The following CACNB2 variants were observed in gnomAD, a reference collection of about 807,000 sequenced individuals.
CACNB2 encodes voltage-dependent L-type calcium channel subunit beta-2.
Under a neutral mutation model 73.3 loss-of-function variants are expected in CACNB2, and 42 were observed. That is an observed-to-expected ratio of 0.57 (90% CI 0.45 to 0.74). The LOEUF (loss-of-function observed/expected upper bound fraction) is 0.74. Among genes scored for constraint, CACNB2 ranks in the 30% least tolerant of loss-of-function variants. The probability of loss-of-function intolerance (pLI) is 0.00; values close to 1 mark genes in which losing one functional copy is unlikely to be tolerated. For synonymous variants in CACNB2, 348 were observed against 310.3 expected, an observed-to-expected ratio of 1.12 and a Z score of -1.28; for missense variants, 940 against 853.0, an observed-to-expected ratio of 1.10 and a Z score of -1.27.
At chr10:18,446,541 G>A (rs186142749) in intron 3 of CACNB2, among the ~76,000 whole-genome samples, 1 of 152,278 alleles carries the variant, frequency 6.6e-6, no homozygotes, top group East Asian at 1.9e-4. Context: ...CAAGAGAGGA[G>A]ATGGGTGATA....
At chr10:18,289,623 T>A (rs1377337372) in intron 2 of CACNB2, among the ~76,000 whole-genome samples, 1 of 152,056 alleles carries the variant, frequency 6.6e-6, no homozygotes, top group East Asian at 1.9e-4. Context: ...GTAAGATTTT[T>A]AAAAATGTAA....
chr10:18,188,069 T>C (rs2034232710), intron 2 of CACNB2, among the ~76,000 whole-genome samples: 2 of 152,218 alleles, frequency 1.3e-5, no homozygotes, highest in Non-Finnish European at 2.9e-5. Context: ...TTTCTGTTAA[T>C]TGACATCAAC....
At chr10:18,360,210 A>G (rs1253341583) in intron 2 of CACNB2, among the ~76,000 whole-genome samples, 2 of 152,204 alleles carry the variant, frequency 1.3e-5, no homozygotes, top group African/African-American at 4.8e-5. Flanking sequence ...GAGGAAACTG[A>G]GGCACAAAGA....
chr10:18,234,114 A>G (rs972688890), intron 2 of CACNB2: 7 of 152,212 alleles, frequency 4.6e-5, no homozygotes, highest in Admixed American at 2.0e-4. Context: ...AGGCTGGTTC[A>G]TGACTGAGAC....
chr10:18,225,239 A>G (rs936289247), intron 2 of CACNB2, among the ~76,000 whole-genome samples: 1 of 151,978 alleles, frequency 6.6e-6, no homozygotes, highest in Admixed American at 6.6e-5. Context: ...TCCCTGGCAG[A>G]GGATGGGGGA....
Position 18,522,648 on chromosome 10 carries a change from G to A in CACNB2, c.944+3680G>A, listed in dbSNP as rs866412980. ...TAATCCCAGCACTTTGGGAGGCCGA[G>A]GCGGGTGGATAATGAGGTCAAGTGT... On this transcript the variant is annotated intron_variant, in intron 9 of 13. Coordinates refer to ENST00000324631, the MANE Select transcript of CACNB2 (RefSeq NM_201596.3). Among the ~76,000 whole-genome samples, 70 of 152,168 alleles carry A rather than the reference G, an allele frequency of 4.6e-4. 1 individual carries two copies. The highest frequency in any genetic ancestry group is 1.7e-3 in the African/African-American group (69 of 41,514).
intron 2 of CACNB2, among the ~76,000 whole-genome samples, chr10:18,295,238 C>G (rs2039228299): frequency 6.6e-6 from 1 of 152,130 alleles, no homozygotes; most frequent in Non-Finnish European, 1.5e-5. Flanking sequence ...GTGCACAATT[C>G]CAAACTTTAT....
At chr10:18,509,852 A>C (rs2133094034) in intron 6 of CACNB2, among the ~76,000 whole-genome samples, 1 of 152,308 alleles carries the variant, frequency 6.6e-6, no homozygotes, top group East Asian at 1.9e-4. Context: ...ACTAATAATA[A>C]TATATGCATG....
At chr10:18,150,071 T>C (rs749661399) in intron 1 of CACNB2, among the ~76,000 whole-genome samples, 17 of 152,350 alleles carry the variant, frequency 1.1e-4, no homozygotes, top group Admixed American at 4.6e-4. Context: ...TGTTCATTTA[T>C]ATTTTAATGT....
intron 2 of CACNB2, among the ~76,000 whole-genome samples, chr10:18,394,095 C>T (rs1564500100): frequency 1.3e-5 from 2 of 152,084 alleles, no homozygotes; most frequent in South Asian, 4.2e-4. Context: ...GCGCCCACCA[C>T]CATGCCTGGC....
chr10:18,361,827 G>T (rs930464349), intron 2 of CACNB2, among the ~76,000 whole-genome samples: 1 of 151,902 alleles, frequency 6.6e-6, no homozygotes, highest in African/African-American at 2.4e-5. Context: ...AGGCCAGGCT[G>T]GTCTTGAACT....
chr10:18,392,454 G>A (rs1353738325), intron 2 of CACNB2, among the ~76,000 whole-genome samples: 2 of 152,124 alleles, frequency 1.3e-5, no homozygotes, highest in Non-Finnish European at 2.9e-5. Context: ...TTTTAGTGGA[G>A]TGGTAGGAGG....
intron 2 of CACNB2, among the ~76,000 whole-genome samples, chr10:18,325,414 T>TGAACTCCTGGTCTC (rs1008811644): frequency 6.6e-6 from 1 of 152,012 alleles, no homozygotes; most frequent in Non-Finnish European, 1.5e-5. Flanking sequence ...AGGCTGGTCT[T>TGAACTCCTGGTCTC]GAACTCCTGG....
chr10:18,539,957 T>A lies in CACNB2; in HGVS notation c.*233T>A. On this transcript the variant is annotated 3_prime_UTR_variant, in exon 14 of 14. Coordinates refer to ENST00000324631, the MANE Select transcript of CACNB2 (RefSeq NM_201596.3). Reference sequence around the variant, plus strand: ...GTATGGCTGCAGTCCTCCGGTTGCATACTGGACTCTTCAAAAACTGTTTTG... The same window carrying A: ...GTATGGCTGCAGTCCTCCGGTTGCAAACTGGACTCTTCAAAAACTGTTTTG... 1 of 469,776 alleles carries A rather than the reference T, an allele frequency of 2.1e-6. No individual in the cohort carries two copies. The highest frequency in any genetic ancestry group is 3.8e-6 in the Non-Finnish European group (1 of 265,678). 29.1% of individuals were successfully genotyped at this position (469,776 alleles called of 1,614,324 possible).
At chr10:18,251,364 C>T (rs1336628005) in intron 2 of CACNB2, among the ~76,000 whole-genome samples, 1 of 152,076 alleles carries the variant, frequency 6.6e-6, no homozygotes, top group Non-Finnish European at 1.5e-5. Flanking sequence ...CCTGCCTCAG[C>T]CTCCTCCTGA....
intron 5 of CACNB2, among the ~76,000 whole-genome samples, chr10:18,502,753 T>TA (rs1374769370): frequency 7.5e-6 from 1 of 132,868 alleles, no homozygotes; most frequent in Non-Finnish European, 1.6e-5. Context: ...AAGTGAGAGC[T>TA]AAACATTGAG....
chr10:18,314,510 A>T (rs1448393742), intron 2 of CACNB2, among the ~76,000 whole-genome samples: 1 of 151,956 alleles, frequency 6.6e-6, no homozygotes, highest in African/African-American at 2.4e-5. Context: ...AGTCTGAAAA[A>T]TTATTTGCCT....
At chr10:18,293,129 A>T (rs1301200957) in intron 2 of CACNB2, among the ~76,000 whole-genome samples, 2 of 152,236 alleles carry the variant, frequency 1.3e-5, no homozygotes, top group African/African-American at 2.4e-5. Context: ...CTTTAAGAGT[A>T]CTTAATTAAA....
intron 2 of CACNB2, among the ~76,000 whole-genome samples, chr10:18,398,691 AT>A (rs2043836156): frequency 6.8e-5 from 5 of 73,322 alleles, no homozygotes; most frequent in African/African-American, 1.2e-4. Context: ...ACACACACAC[AT>A]ACACACACAC....
Sources: gnomAD v4.1 joint callset for allele counts (sites outside exome capture counted in the v4.1 genomes callset) on GRCh38, gnomAD v4.1.1 for gene constraint, MANE v1.5 for transcripts, NCBI Gene and HGNC (gene_info 2026-07-23, HGNC 2026-07-21) for gene names.